SORBS2: variants seen among roughly 807,000 people sequenced by gnomAD.
SORBS2 encodes the protein sorbin and SH3 domain-containing protein 2.
In SORBS2, 46 loss-of-function variants were observed where a neutral mutation model predicts 97.7. That is an observed-to-expected ratio of 0.47 (90% confidence interval 0.37 to 0.60). SORBS2 has a LOEUF of 0.60. Ranked by LOEUF, SORBS2 falls within the 20% of genes least tolerant of loss-of-function variation. The probability of loss-of-function intolerance (pLI) is 0.00; values close to 1 mark genes in which losing one functional copy is unlikely to be tolerated. For synonymous variants in SORBS2, 476 were observed against 473.4 expected (o/e 1.01, Z -0.07); for missense variants, 1,316 against 1,282.3 (o/e 1.03, Z -0.40).
At chr4:185,937,984 C>A (rs1471442548) in intron 1 of SORBS2, among the ~76,000 whole-genome samples, 1 of 151,364 alleles carries the variant, frequency 6.6e-6, no homozygotes, top group African/African-American at 2.4e-5. Context: ...GGCTGCCTGC[C>A]TCCTAGGTTT....
At chr4:185,887,124 G>A (rs996705316) in intron 1 of SORBS2, among the ~76,000 whole-genome samples, 3 of 152,196 alleles carry the variant, frequency 2.0e-5, no homozygotes, top group Non-Finnish European at 4.4e-5. Context: ...TTAGTAGGTA[G>A]AAGTAAAAGA....
intron 1 of SORBS2, among the ~76,000 whole-genome samples, chr4:185,837,505 C>T (rs759805195): frequency 9.9e-5 from 15 of 152,160 alleles, no homozygotes; most frequent in Non-Finnish European, 2.2e-4. Flanking sequence ...GGTTCTCATG[C>T]AATCGTTAAT....
chr4:185,753,577 T>C (rs141054371), intron 2 of SORBS2, among the ~76,000 whole-genome samples: 2 of 152,336 alleles, frequency 1.3e-5, no homozygotes, highest in Non-Finnish European at 2.9e-5. Context: ...GTAAAAAAGA[T>C]AATTTTGTTT....
intron 2 of SORBS2, among the ~76,000 whole-genome samples, 196 bp from the exon 6 acceptor site, chr4:185,679,018 T>C (rs950921286): frequency 6.6e-6 from 1 of 152,128 alleles, no homozygotes; most frequent in Non-Finnish European, 1.5e-5. Flanking sequence ...TCATTAAATA[T>C]CTATAATATA....
Position 185,891,615 on chromosome 4 carries a change from C to G in SORBS2, c.-338+64581G>C, listed in dbSNP as rs181801759. On this transcript the variant is annotated intron_variant, in intron 1 of 20. Coordinates refer to the SORBS2 transcript ENST00000284776. The stretch of plus-strand genomic sequence containing the variant: ...CAATGGCTCCACTCGGACCCACCAA[C>G]CAGCTATGAGGCCTCACTCACAAGG... 6.9e-3 allele frequency among the ~76,000 whole-genome samples: 1,046 copies of G among 152,258 alleles called. 6 individuals are homozygous for G. Among genetic ancestry groups the G allele is most frequent in the Middle Eastern group, 0.031 (9 of 294 alleles).
In SORBS2 at chr4:185,684,552, T is replaced by C. The variant is rs1444244860; in HGVS notation, c.-197-5730A>G. On this transcript the variant is annotated intron_variant, in intron 2 of 20. Coordinates refer to the SORBS2 transcript ENST00000284776. This position sits in a 1 kb window ranked among gnomAD's most constrained non-coding sequence, Gnocchi z 4.2. ...TGAAATATTATGCTACTTAAGTTCA[T>C]GAGATAACAAAAACGTGAATAGTTA... Among the ~76,000 whole-genome samples, 3 of 152,138 alleles carry C rather than the reference T, an allele frequency of 2.0e-5. No homozygotes were observed. Among genetic ancestry groups the C allele is most frequent in the Non-Finnish European group, 2.9e-5 (2 of 68,034 alleles).
chr4:185,844,789 T>C (rs2099213587), intron 1 of SORBS2, among the ~76,000 whole-genome samples: 1 of 152,204 alleles, frequency 6.6e-6, no homozygotes, highest in South Asian at 2.1e-4. Context: ...GGGAATGAAG[T>C]ACTGATACAT....
At chr4:185,852,972 G>A (rs538193298) in intron 1 of SORBS2, among the ~76,000 whole-genome samples, 22 of 152,252 alleles carry the variant, frequency 1.4e-4, no homozygotes, top group African/African-American at 5.3e-4. Flanking sequence ...GGGTCCTGAG[G>A]AAATCATGAA....
chr4:185,852,709 A>G (rs2099218600), intron 1 of SORBS2, among the ~76,000 whole-genome samples: 1 of 152,286 alleles, frequency 6.6e-6, no homozygotes, highest in South Asian at 2.1e-4. Flanking sequence ...AGCTCTTTCT[A>G]ATATTCAGTA....
intron 1 of SORBS2, among the ~76,000 whole-genome samples, chr4:185,874,073 C>T (rs532771969): frequency 6.6e-6 from 1 of 152,232 alleles, no homozygotes; most frequent in African/African-American, 2.4e-5. Flanking sequence ...TAGTCTTAGA[C>T]ATGTGCACAA....
intron 1 of SORBS2, among the ~76,000 whole-genome samples, chr4:185,821,620 C>T (rs564303796): frequency 4.6e-5 from 7 of 152,088 alleles, no homozygotes; most frequent in South Asian, 2.1e-4. Context: ...GACGGGGTTT[C>T]GCCATGTTGA....
chr4:185,723,986 G>A (rs562273740), intron 2 of SORBS2, among the ~76,000 whole-genome samples: 1 of 152,196 alleles, frequency 6.6e-6, no homozygotes, highest in South Asian at 2.1e-4. Context: ...AGTGTTTTTG[G>A]CATCTACTGA....
chr4:185,788,877 C>T (rs182540353), intron 1 of SORBS2, among the ~76,000 whole-genome samples: 87 of 152,282 alleles, frequency 5.7e-4, no homozygotes, highest in African/African-American at 2.0e-3. Context: ...TCCACTTGGC[C>T]TATTTTAAAA....
chr4:185,935,029 G>A (rs1250021842), intron 1 of SORBS2, among the ~76,000 whole-genome samples: 3 of 152,112 alleles, frequency 2.0e-5, no homozygotes, highest in African/African-American at 7.2e-5. Flanking sequence ...AATATGTTCT[G>A]CCTTTCTGTT....
In SORBS2 at chr4:185,666,250, A is replaced by G. The variant is rs530280449; in HGVS notation, c.-45-4008T>C. 2.2e-4 allele frequency: 224 copies of G among 1,036,992 alleles called. No individual in the cohort carries two copies. The African/African-American group carries it at 3.5e-3, about 16-fold the overall frequency. 64.2% of individuals were successfully genotyped at this position (1,036,992 alleles called of 1,614,324 possible). A position where few individuals can be genotyped will look rare whatever the true frequency, so the allele number is the denominator to read the frequency against. ...TAATAAGAGATAAATTATCCAATTA[A>G]CAAAAGTACCTCTTTTTGCGATGTG... On this transcript the variant is annotated intron_variant, in intron 4 of 20. Coordinates refer to the SORBS2 transcript ENST00000284776.
At chr4:185,931,205 A>G (rs1350470549) in intron 1 of SORBS2, among the ~76,000 whole-genome samples, 4 of 152,194 alleles carry the variant, frequency 2.6e-5, no homozygotes, top group African/African-American at 9.6e-5. Flanking sequence ...GGTATGGGGG[A>G]AAATGAGAAG....
intron 1 of SORBS2, among the ~76,000 whole-genome samples, chr4:185,892,301 T>C (rs115997977): frequency 0.014 from 2,066 of 152,298 alleles, 31 homozygotes; most frequent in Non-Finnish European, 0.023. Context: ...GTTCTAGAAT[T>C]GCATCATGTA....
intron 1 of SORBS2, among the ~76,000 whole-genome samples, chr4:185,939,016 T>TA (rs1389097867): frequency 5.9e-5 from 9 of 152,238 alleles, no homozygotes; most frequent in Middle Eastern, 6.3e-3. Context: ...GATTTCCCGA[T>TA]AAATACTCCT....
intron 4 of SORBS2, among the ~76,000 whole-genome samples, chr4:185,643,257 T>C (rs981355593): frequency 3.3e-5 from 5 of 151,432 alleles, no homozygotes; most frequent in African/African-American, 9.7e-5. Context: ...AAGGAAGAGG[T>C]GGTGGGGAGA....
Sources: gnomAD v4.1 joint callset for allele counts (sites outside exome capture counted in the v4.1 genomes callset) on GRCh38, gnomAD v4.1.1 for gene constraint, Gnocchi (gnomAD v3.1) non-coding constraint, MANE v1.5 for transcripts, NCBI Gene and HGNC (gene_info 2026-07-23, HGNC 2026-07-21) for gene names.